NEK7: variants seen among roughly 807,000 people sequenced by gnomAD.
NEK7 encodes serine/threonine-protein kinase Nek7.
In NEK7, 18 loss-of-function variants were observed where a neutral mutation model predicts 44.6. The observed-to-expected ratio is 0.40, with a 90% CI of 0.28 to 0.60. The LOEUF (loss-of-function observed/expected upper bound fraction) is 0.60. Ranked by LOEUF, NEK7 falls within the 20% of genes least tolerant of loss-of-function variation. NEK7 has a pLI of 0.38. For missense variants in NEK7, 256 were observed against 366.5 expected (o/e 0.70, Z 2.46); for synonymous variants, 130 against 121.1 (o/e 1.07, Z -0.48).
intron 9 of NEK7, among the ~76,000 whole-genome samples, chr1:198,306,631 G>C (rs1655032184): frequency 6.6e-6 from 1 of 152,122 alleles, no homozygotes; most frequent in African/African-American, 2.4e-5. Context: ...AAAGAAGAAG[G>C]TGTGAGATGT....
At chr1:198,310,135 T>A (rs1655133564) in intron 9 of NEK7, among the ~76,000 whole-genome samples, 1 of 152,188 alleles carries the variant, frequency 6.6e-6, no homozygotes, top group Non-Finnish European at 1.5e-5. Flanking sequence ...TGATTGCCAT[T>A]CTAACTGGTG....
intron 5 of NEK7, chr1:198,277,690 T>TTA (rs1654058142): frequency 1.3e-5 from 3 of 237,534 alleles, no homozygotes; most frequent in African/African-American, 2.3e-5. Context: ...AAGAAATTGT[T>TTA]TTATATAGAT....
chr1:198,293,963 T>C (rs1654634473), intron 8 of NEK7, among the ~76,000 whole-genome samples: 1 of 151,898 alleles, frequency 6.6e-6, no homozygotes, highest in Non-Finnish European at 1.5e-5. Context: ...TCTCTTGTCC[T>C]CCAGAATTAA....
At chr1:198,238,852 A>G (rs1558071992) in intron 2 of NEK7, among the ~76,000 whole-genome samples, 1 of 152,330 alleles carries the variant, frequency 6.6e-6, no homozygotes, top group East Asian at 1.9e-4. Flanking sequence ...TCTTATAGGT[A>G]CCTCATACTT....
At chr1:198,209,798 G>A (rs1298066772) in intron 1 of NEK7, among the ~76,000 whole-genome samples, 5 of 151,244 alleles carry the variant, frequency 3.3e-5, no homozygotes, top group Non-Finnish European at 5.9e-5. Context: ...TACCATGCTG[G>A]GTCTAATATT....
At chr1:198,256,310 C>T (rs536450527) in intron 3 of NEK7, 1 of 1,594,074 alleles carries the variant, frequency 6.3e-7, no homozygotes, top group East Asian at 2.3e-5. Context: ...GTGTTCAGCT[C>T]TGGCCATTTT....
At chr1:198,172,481 G>A (rs143253307) in intron 1 of NEK7, among the ~76,000 whole-genome samples, 10 of 152,248 alleles carry the variant, frequency 6.6e-5, no homozygotes, top group African/African-American at 1.9e-4. Context: ...TAAGCAGTAG[G>A]AGCATGATCA....
At chr1:198,256,559 C>G (rs897469925) in intron 3 of NEK7, 1 of 1,449,252 alleles carries the variant, frequency 6.9e-7, no homozygotes, top group African/African-American at 1.4e-5. Flanking sequence ...TCTCTCTTGC[C>G]TCCTTCTTCA....
At chr1:198,307,667 T>G (rs72731939) in intron 9 of NEK7, among the ~76,000 whole-genome samples, 1 of 152,108 alleles carries the variant, frequency 6.6e-6, no homozygotes, top group African/African-American at 2.4e-5. Context: ...ATCTTACCAC[T>G]GCGTTCACTG....
At chr1:198,246,308 C>A (rs1303259191) in intron 2 of NEK7, among the ~76,000 whole-genome samples, 1 of 152,232 alleles carries the variant, frequency 6.6e-6, no homozygotes, top group African/African-American at 2.4e-5. Flanking sequence ...CACATCTACA[C>A]TGGGTGACAG....
intron 2 of NEK7, among the ~76,000 whole-genome samples, chr1:198,242,083 C>CA (rs1666699338): frequency 6.6e-6 from 1 of 151,752 alleles, no homozygotes; most frequent in South Asian, 2.1e-4. Context: ...TTCTCTCTCT[C>CA]CCTCACTCCT....
At chr1:198,294,359 T>G (rs2103009782) in intron 8 of NEK7, among the ~76,000 whole-genome samples, 1 of 152,166 alleles carries the variant, frequency 6.6e-6, no homozygotes, top group African/African-American at 2.4e-5. Context: ...AACTGGATTG[T>G]TTATATTGTT....
chr1:198,249,012 G>T (rs1452013089), intron 2 of NEK7, among the ~76,000 whole-genome samples: 1 of 150,464 alleles, frequency 6.6e-6, no homozygotes, highest in Admixed American at 6.6e-5. Context: ...TTAGCATTAG[G>T]TATATCTCCT....
intron 1 of NEK7, among the ~76,000 whole-genome samples, chr1:198,185,092 A>T (rs983687686): frequency 2.0e-5 from 3 of 151,994 alleles, no homozygotes; most frequent in Middle Eastern, 3.2e-3. Context: ...TGTTTTTAGT[A>T]TACAAGCAAG....
intron 5 of NEK7, among the ~76,000 whole-genome samples, chr1:198,271,079 A>G (rs917246107): frequency 1.3e-5 from 2 of 151,808 alleles, no homozygotes; most frequent in Non-Finnish European, 2.9e-5. Context: ...CATCTCCACA[A>G]CCTGCCATTG....
At chr1:198,279,164 T>A in intron 7 of NEK7, 103 bp downstream of exon 7, 1 of 703,852 alleles carries the variant, frequency 1.4e-6, no homozygotes, top group Non-Finnish European at 2.4e-6. Context: ...TTAATAAAAC[T>A]ATTTTAAAAA....
rs1655496029 is a variant in NEK7, at chr1:198,320,251, T to A, written c.*729T>A. 1 of 152,182 alleles carries A rather than the reference T, an allele frequency of 6.6e-6. No individual in the cohort carries two copies. The highest frequency in any genetic ancestry group is 2.1e-4 in the South Asian group (1 of 4,834). The allele number at this position is 152,182 out of a possible 1,614,324, so 9.4% of individuals were successfully genotyped here. On this transcript the variant is annotated 3_prime_UTR_variant, in exon 10 of 10. Coordinates refer to ENST00000367385, the MANE Select transcript of NEK7 (RefSeq NM_133494.3). ...AGTGGTTAAGGATTTGTTTAGCTGGTGTGATAATAATTTTTAAAGTTGCAC... is the reference window on the plus strand; with the variant it reads ...AGTGGTTAAGGATTTGTTTAGCTGGAGTGATAATAATTTTTAAAGTTGCAC...
At chr1:198,290,559 G>A (rs1014130477) in intron 7 of NEK7, among the ~76,000 whole-genome samples, 7 of 152,044 alleles carry the variant, frequency 4.6e-5, no homozygotes, top group African/African-American at 1.7e-4. Context: ...TGTCCAGAAC[G>A]GAGGGGCATA....
chr1:198,223,838 T>C (rs566605374), intron 1 of NEK7, among the ~76,000 whole-genome samples: 73 of 152,164 alleles, frequency 4.8e-4, no homozygotes, highest in Non-Finnish European at 9.0e-4. Context: ...TTTTTAATGG[T>C]ATAATGAAAT....
Sources: gnomAD v4.1 joint callset for allele counts (sites outside exome capture counted in the v4.1 genomes callset) on GRCh38, gnomAD v4.1.1 for gene constraint, MANE v1.5 for transcripts, NCBI Gene and HGNC (gene_info 2026-07-23, HGNC 2026-07-21) for gene names.